ZNF714: variants seen among roughly 807,000 people sequenced by gnomAD.
ZNF714 encodes zinc finger protein 714.
ZNF714 carries 32 observed loss-of-function variants against 46.2 expected under a neutral mutation model. That is an observed-to-expected ratio of 0.69 (90% CI 0.52 to 0.93). The LOEUF is 0.93. Among genes scored for constraint, ZNF714 ranks in the 40% least tolerant of loss-of-function variants. The pLI, the probability that ZNF714 is intolerant of heterozygous loss-of-function variation, is 0.00. For synonymous variants in ZNF714, 199 were observed against 213.1 expected, an observed-to-expected ratio of 0.93 and a Z score of 0.58; for missense variants, 635 against 646.3, an observed-to-expected ratio of 0.98 and a Z score of 0.19.
intron 2 of ZNF714, among the ~76,000 whole-genome samples, chr19:21,092,924 T>TTA (rs1968948463): frequency 1.3e-5 from 2 of 148,406 alleles, no homozygotes; most frequent in Admixed American, 1.3e-4. Context: ...TTTTTTTTTT[T>TTA]TTTGAGACAG....
chr19:21,085,324 A>G (rs1054481619), intron 2 of ZNF714, among the ~76,000 whole-genome samples: 10 of 152,310 alleles, frequency 6.6e-5, no homozygotes, highest in African/African-American at 2.2e-4. Flanking sequence ...GTTTCATGCT[A>G]CATTTTATGA....
chr19:21,118,629 C>T lies in ZNF714; in HGVS notation c.*297C>T. 3 of 247,880 alleles carry T rather than the reference C, an allele frequency of 1.2e-5. No individual in the cohort carries two copies. The highest frequency in any genetic ancestry group is 2.4e-5 in the Non-Finnish European group (3 of 122,634). The allele number at this position is 247,880 out of a possible 1,614,324, so 15.4% of individuals were successfully genotyped here. ...GCCTTTAACCAGTCTTCAACTCTTA[C>T]TAGGCATTAAAAATTCATACTGTAC... On this transcript the variant is annotated 3_prime_UTR_variant, in exon 5 of 5. Transcript: ENST00000456283.
intron 3 of ZNF714, 101 bp downstream of exon 3, chr19:21,098,412 G>A: frequency 7.2e-7 from 1 of 1,386,530 alleles, no homozygotes; most frequent in Non-Finnish European, 9.9e-7. Context: ...GTATAAATGA[G>A]TTTCTGATCC....
chr19:21,106,902 A>G (rs1193560494), intron 4 of ZNF714, among the ~76,000 whole-genome samples: 1 of 152,028 alleles, frequency 6.6e-6, no homozygotes, highest in Non-Finnish European at 1.5e-5. Flanking sequence ...ATCTCGGCTC[A>G]CTGCACCTCT....
chr19:21,105,248 C>T (rs1969282770), intron 4 of ZNF714, among the ~76,000 whole-genome samples: 1 of 151,732 alleles, frequency 6.6e-6, no homozygotes, highest in Admixed American at 6.6e-5. Flanking sequence ...GTCTTGAACT[C>T]CTGACCTTGT....
In ZNF714 at chr19:21,124,807, A is replaced by G. The variant is rs1315701489; in HGVS notation, c.*6475A>G. Among the ~76,000 whole-genome samples the G allele has an allele frequency of 6.6e-6, 1 of 152,128 alleles. No individual in the cohort carries two copies. Among genetic ancestry groups the G allele is most frequent in the Non-Finnish European group, 1.5e-5 (1 of 68,020 alleles). On this transcript the variant is annotated 3_prime_UTR_variant, in exon 5 of 5. Transcript: ENST00000456283. Reference sequence around the variant, plus strand: ...GGTCACCATTTTACTCTATACATCAATGGGATTAAGATTTTTGGAATCCAT... The same window carrying G: ...GGTCACCATTTTACTCTATACATCAGTGGGATTAAGATTTTTGGAATCCAT...
chr19:21,104,535 T>C (rs1969267431), intron 4 of ZNF714, among the ~76,000 whole-genome samples: 1 of 64,794 alleles, frequency 1.5e-5, no homozygotes, highest in Admixed American at 1.9e-4. Context: ...ACAGATTTGG[T>C]GTTTTAAAAA....
chr19:21,098,264 T>C lies in ZNF714; in HGVS notation c.-5T>C. 1 of 1,612,900 alleles carries C rather than the reference T, an allele frequency of 6.2e-7. No individual in the cohort carries two copies. Among genetic ancestry groups the C allele is most frequent in the African/African-American group, 1.3e-5 (1 of 74,960 alleles). On this transcript the variant is annotated 5_prime_UTR_variant, in exon 3 of 5. Transcript: ENST00000456283. ...TGCCTGAACCCTGCTCAGCAGAATT[T>C]ATATATGAATGTGATGTTAGAGAAC... is the stretch of plus-strand genomic sequence containing the variant.
intron 1 of ZNF714, 83 bp downstream of exon 1, chr19:21,082,431 C>A: frequency 7.5e-7 from 1 of 1,332,944 alleles, no homozygotes; most frequent in Non-Finnish European, 1.0e-6. Context: ...GGGACTTAGG[C>A]CTCCCCGCAG....
At chr19:21,104,498 CAT>C (rs1304580140) in intron 4 of ZNF714, among the ~76,000 whole-genome samples, 3 of 151,790 alleles carry the variant, frequency 2.0e-5, no homozygotes, top group Non-Finnish European at 4.4e-5. Flanking sequence ...CAACAGTCAA[CAT>C]AGTTTTATTT....
intron 2 of ZNF714, among the ~76,000 whole-genome samples, chr19:21,084,270 A>C (rs1377571964): frequency 6.6e-6 from 1 of 152,156 alleles, no homozygotes; most frequent in Non-Finnish European, 1.5e-5. Context: ...AAAAACACAA[A>C]AAACCTGACT....
intron 1 of ZNF714, among the ~76,000 whole-genome samples, chr19:21,082,770 A>G (rs1968686815): frequency 6.6e-6 from 1 of 152,160 alleles, no homozygotes; most frequent in South Asian, 2.1e-4. Flanking sequence ...CATTTAATCA[A>G]AGCGTGATTC....
intron 4 of ZNF714, among the ~76,000 whole-genome samples, chr19:21,116,318 T>TCAAGACC (rs1237956597): frequency 2.6e-5 from 4 of 152,174 alleles, no homozygotes; most frequent in Non-Finnish European, 5.9e-5. Flanking sequence ...ACCTTTGGTC[T>TCAAGACC]CAAGACCCAA....
In ZNF714 at chr19:21,117,129, C is replaced by T; in HGVS notation, c.465C>T (p.Cys155=). 1 of 1,613,692 alleles carries T rather than the reference C, an allele frequency of 6.2e-7. No individual in the cohort carries two copies. The highest frequency in any genetic ancestry group is 1.1e-5 in the South Asian group (1 of 91,040). Residue 155 remains cysteine (C), a synonymous_variant, in exon 5 of 5, where the codon TGC becomes TGT. Transcript: ENST00000456283. ...GTAAAAAATGTGATGAATCATTTTGCATGCTTTTACACCTACATCAACATA... is the reference window on the plus strand; with the variant it reads ...GTAAAAAATGTGATGAATCATTTTGTATGCTTTTACACCTACATCAACATA... The part of the protein sequence containing the change: ...FKCKKCDESF[C]MLLHLHQHKR...
At chr19:21,083,003 T>A (rs1968692369) in intron 1 of ZNF714, among the ~76,000 whole-genome samples, 1 of 152,006 alleles carries the variant, frequency 6.6e-6, no homozygotes, top group African/African-American at 2.4e-5. Flanking sequence ...ATTTTGTTTC[T>A]CTCAATGTAG....
Position 21,117,631 on chromosome 19 carries a change from A to T in ZNF714, c.967A>T (p.Asn323Tyr). ...YKCEQCGKGF[N>Y]WSSTLTKHKR... ...ATGTGAACAATGTGGCAAAGGCTTTAACTGGTCTTCAACCCTTACAAAACA... is the reference window on the plus strand; with the variant it reads ...ATGTGAACAATGTGGCAAAGGCTTTTACTGGTCTTCAACCCTTACAAAACA... Residue 323 changes from asparagine to tyrosine, a missense_variant, in exon 5 of 5, where the codon AAC becomes TAC. Physicochemically the swap from Asn to Tyr is moderately radical, Grantham distance 143 (BLOSUM62 -2). Transcript: ENST00000456283. The T allele has an allele frequency of 1.2e-6, 2 of 1,613,216 alleles. No homozygotes were observed. The highest frequency in any genetic ancestry group is 1.7e-6 in the Non-Finnish European group (2 of 1,179,566).
intron 4 of ZNF714, among the ~76,000 whole-genome samples, chr19:21,112,895 T>A (rs939852753): frequency 7.3e-6 from 1 of 136,454 alleles, no homozygotes; most frequent in Admixed American, 8.4e-5. Context: ...CGATCTCGGC[T>A]CACTGCAATC....
At chr19:21,108,469 A>G (rs545075175) in intron 4 of ZNF714, among the ~76,000 whole-genome samples, 10 of 152,190 alleles carry the variant, frequency 6.6e-5, no homozygotes, top group Non-Finnish European at 1.2e-4. Flanking sequence ...CAAATTCTTC[A>G]TGAATGCCTT....
chr19:21,111,075 T>C (rs1351438344), intron 4 of ZNF714, among the ~76,000 whole-genome samples: 1 of 152,210 alleles, frequency 6.6e-6, no homozygotes, highest in East Asian at 1.9e-4. Flanking sequence ...ATATGGGGTC[T>C]TTTGGGGTTT....
Sources: gnomAD v4.1 joint callset for allele counts (sites outside exome capture counted in the v4.1 genomes callset) on GRCh38, gnomAD v4.1.1 for gene constraint, MANE v1.5 for transcripts, NCBI Gene and HGNC (gene_info 2026-07-23, HGNC 2026-07-21) for gene names.